Variants in CACNB2 observed in about 807,000 individuals in gnomAD.
CACNB2 encodes voltage-dependent L-type calcium channel subunit beta-2.
Under a neutral mutation model 73.3 loss-of-function variants are expected in CACNB2, and 42 were observed. The observed-to-expected ratio is 0.57, with a 90% CI of 0.45 to 0.74. The LOEUF is 0.74. CACNB2 is among the 30% of genes least tolerant of loss of function. The pLI, the probability that CACNB2 is intolerant of heterozygous loss-of-function variation, is 0.00. For missense variants in CACNB2, 940 were observed against 853.0 expected (o/e 1.10, Z -1.27); for synonymous variants, 348 against 310.3 (o/e 1.12, Z -1.28).
chr10:18,526,492 C>G (rs189044071), intron 9 of CACNB2, among the ~76,000 whole-genome samples: 1 of 152,292 alleles, frequency 6.6e-6, no homozygotes, highest in Admixed American at 6.5e-5. Context: ...CTGAAACAGA[C>G]TTTTGAACCA....
chr10:18,359,071 G>T (rs1384362508), intron 2 of CACNB2, among the ~76,000 whole-genome samples: 2 of 151,810 alleles, frequency 1.3e-5, no homozygotes, highest in African/African-American at 4.8e-5. Flanking sequence ...AAAGTAACAT[G>T]TTGGGGGTTT....
In CACNB2 at chr10:18,514,410, C is replaced by T. The variant is rs1589618942; in HGVS notation, c.804+41C>T. On this transcript the variant is annotated intron_variant, in intron 7 of 13. Coordinates refer to ENST00000324631, the MANE Select transcript of CACNB2 (RefSeq NM_201596.3). ...AAGCTCCCATTGTCCACCTGCTCAACTGCACTGCGTCACATTTCTAGTCCT... is the reference window on the plus strand; with the variant it reads ...AAGCTCCCATTGTCCACCTGCTCAATTGCACTGCGTCACATTTCTAGTCCT... 19 of 1,613,874 alleles carry T rather than the reference C, an allele frequency of 1.2e-5. No homozygotes were observed. The East Asian group carries it at 4.2e-4, about 36-fold the overall frequency.
At chr10:18,157,948 C>G (rs2032180177) in intron 2 of CACNB2, among the ~76,000 whole-genome samples, 1 of 152,092 alleles carries the variant, frequency 6.6e-6, no homozygotes. Context: ...TAATTCCCTT[C>G]TCTCATGAAA....
chr10:18,299,967 TCTC>T (rs1395808183), intron 2 of CACNB2, among the ~76,000 whole-genome samples: 1 of 152,006 alleles, frequency 6.6e-6, no homozygotes, highest in African/African-American at 2.4e-5. Flanking sequence ...CCGACCCTGT[TCTC>T]CACCACTTTC....
chr10:18,246,538 A>G (rs2036867020), intron 2 of CACNB2, among the ~76,000 whole-genome samples: 1 of 152,108 alleles, frequency 6.6e-6, no homozygotes, highest in Non-Finnish European at 1.5e-5. Context: ...TCAGAAGCCT[A>G]ATGGTACCAA....
chr10:18,211,360 G>A (rs995174074), intron 2 of CACNB2, among the ~76,000 whole-genome samples: 10 of 152,158 alleles, frequency 6.6e-5, no homozygotes, highest in African/African-American at 2.4e-4. Context: ...TTATGAGTAA[G>A]TAGCTTGACT....
chr10:18,517,367 T>C (rs558685120), intron 7 of CACNB2, among the ~76,000 whole-genome samples: 2 of 152,338 alleles, frequency 1.3e-5, no homozygotes, highest in South Asian at 4.1e-4. Context: ...CAATTTGCTG[T>C]TACCTAATTT....
intron 2 of CACNB2, among the ~76,000 whole-genome samples, chr10:18,386,437 C>G (rs1178053043): frequency 3.1e-5 from 4 of 128,564 alleles, no homozygotes; most frequent in Non-Finnish European, 6.3e-5. Context: ...GAGTCTCACT[C>G]TGTCGCCCAG....
chr10:18,415,123 G>C (rs1344654387), intron 3 of CACNB2, among the ~76,000 whole-genome samples: 2 of 152,132 alleles, frequency 1.3e-5, no homozygotes, highest in African/African-American at 2.4e-5. Flanking sequence ...TGGTCTAATG[G>C]TCATGCTAAA....
chr10:18,509,780 A>G (rs1227984398), intron 6 of CACNB2, among the ~76,000 whole-genome samples: 1 of 152,060 alleles, frequency 6.6e-6, no homozygotes, highest in Admixed American at 6.6e-5. Flanking sequence ...ACAGAGGGAG[A>G]CCCTGTCTCA....
chr10:18,466,979 T>A (rs1433083679), intron 3 of CACNB2, among the ~76,000 whole-genome samples: 1 of 151,964 alleles, frequency 6.6e-6, no homozygotes, highest in Non-Finnish European at 1.5e-5. Context: ...CATGGTGAAA[T>A]CCTGTCTCTA....
chr10:18,370,410 G>C (rs1459456010), intron 2 of CACNB2, among the ~76,000 whole-genome samples: 1 of 152,158 alleles, frequency 6.6e-6, no homozygotes, highest in Admixed American at 6.6e-5. Flanking sequence ...TGGTTCTCTT[G>C]CCTCAGCCTC....
chr10:18,248,654 T>G (rs558565556), intron 2 of CACNB2, among the ~76,000 whole-genome samples: 11 of 152,332 alleles, frequency 7.2e-5, no homozygotes, highest in Admixed American at 5.9e-4. Flanking sequence ...ATGATCTCAT[T>G]GGACATATCC....
chr10:18,465,676 C>A (rs574521631), intron 3 of CACNB2, among the ~76,000 whole-genome samples: 1 of 148,224 alleles, frequency 6.7e-6, no homozygotes, highest in African/African-American at 2.6e-5. Flanking sequence ...CGTCATCCAA[C>A]TTCTTCTTTT....
chr10:18,515,005 C>A (rs777063041), intron 7 of CACNB2: 2 of 1,613,710 alleles, frequency 1.2e-6, no homozygotes, highest in East Asian at 2.2e-5. Flanking sequence ...ATGAACAAGA[C>A]CAGTGGAAAA....
At chr10:18,243,968 T>C (rs1235937758) in intron 2 of CACNB2, among the ~76,000 whole-genome samples, 1 of 152,234 alleles carries the variant, frequency 6.6e-6, no homozygotes, top group Non-Finnish European at 1.5e-5. Context: ...AACCTAGCTA[T>C]GTCTCTTTAC....
chr10:18,250,393 G>A (rs2037042173), intron 2 of CACNB2, among the ~76,000 whole-genome samples: 1 of 152,234 alleles, frequency 6.6e-6, no homozygotes, highest in African/African-American at 2.4e-5. Context: ...TGGGCAAAGT[G>A]TGTTCCTGCC....
chr10:18,220,591 C>G (rs2035753235), intron 2 of CACNB2, among the ~76,000 whole-genome samples: 1 of 151,952 alleles, frequency 6.6e-6, no homozygotes, highest in African/African-American at 2.4e-5. Flanking sequence ...TAGACTAGAG[C>G]AGAGGCCCCC....
chr10:18,447,711 T>A (rs2046803138), intron 3 of CACNB2, among the ~76,000 whole-genome samples: 1 of 150,264 alleles, frequency 6.7e-6, no homozygotes, highest in African/African-American at 2.5e-5. Context: ...AATCTTGGAG[T>A]GACTTTGAAA....
Sources: allele counts gnomAD v4.1 joint callset (sites outside exome capture counted in the v4.1 genomes callset), GRCh38; gene constraint gnomAD v4.1.1; transcripts MANE v1.5; gene names NCBI Gene and HGNC (gene_info 2026-07-23, HGNC 2026-07-21).